The following MOXD1 variants were observed in gnomAD, a reference collection of about 807,000 sequenced individuals.
The protein encoded by MOXD1 is DBH-like monooxygenase protein 1.
A neutral mutation model predicts 66.6 loss-of-function variants in MOXD1; 62 were observed. The ratio of observed to expected loss-of-function variants is 0.93; its 90% CI spans 0.76 to 1.15. MOXD1 has a LOEUF of 1.15. Ranked by LOEUF, MOXD1 falls within the 50% of genes most tolerant of loss-of-function variation. MOXD1 has a pLI of 0.00. For missense variants in MOXD1, 847 were observed against 754.6 expected (o/e 1.12, Z -1.44); for synonymous variants, 303 against 281.9 (o/e 1.07, Z -0.75).
intron 4 of MOXD1, among the ~76,000 whole-genome samples, chr6:132,334,814 C>A (rs1775402867): frequency 6.6e-6 from 1 of 152,120 alleles, no homozygotes. Context: ...TCTTAAATAT[C>A]AGGAACCCAT....
At chr6:132,343,026 T>TA (rs1432967791) in intron 4 of MOXD1, among the ~76,000 whole-genome samples, 3 of 152,118 alleles carry the variant, frequency 2.0e-5, no homozygotes, top group Non-Finnish European at 2.9e-5. Context: ...AACTATGCAC[T>TA]AAAAAAATGC....
At chr6:132,392,417 T>G in intron 1 of MOXD1, 2 of 1,385,116 alleles carry the variant, frequency 1.4e-6, no homozygotes, top group Admixed American at 2.5e-5. Context: ...CGTTGCTCTC[T>G]TCTCTAATTC....
At chr6:132,399,743 T>C (rs1776977741) in intron 1 of MOXD1, among the ~76,000 whole-genome samples, 1 of 152,232 alleles carries the variant, frequency 6.6e-6, no homozygotes, top group Non-Finnish European at 1.5e-5. Flanking sequence ...TTAAGGGGCA[T>C]ACTATACTCC....
intron 4 of MOXD1, among the ~76,000 whole-genome samples, chr6:132,344,489 C>T (rs921975416): frequency 4.1e-4 from 62 of 152,120 alleles, no homozygotes; most frequent in African/African-American, 1.5e-3. Flanking sequence ...CCTGGTGAAA[C>T]CTGACCTTCA....
chr6:132,387,683 A>G (rs1327953948), intron 1 of MOXD1, among the ~76,000 whole-genome samples: 1 of 148,056 alleles, frequency 6.8e-6, no homozygotes. Context: ...TAACCTGGGG[A>G]ACGGAGGTTG....
chr6:132,339,173 T>TCTAATTTTTATGTATA (rs1186262179), intron 4 of MOXD1, among the ~76,000 whole-genome samples: 1 of 152,226 alleles, frequency 6.6e-6, no homozygotes, highest in Non-Finnish European at 1.5e-5. Flanking sequence ...GTATAAGACT[T>TCTAATTTTTATGTATA]AGCTATATTT....
intron 4 of MOXD1, among the ~76,000 whole-genome samples, chr6:132,331,366 G>A (rs943371144): frequency 9.8e-5 from 15 of 152,304 alleles, no homozygotes; most frequent in Middle Eastern, 3.4e-3. Flanking sequence ...TTACTGTCAC[G>A]ACAGTTTCAG....
At chr6:132,392,088 G>A (rs911218543) in intron 1 of MOXD1, 1 of 1,247,478 alleles carries the variant, frequency 8.0e-7, no homozygotes, top group East Asian at 2.6e-5. Flanking sequence ...CTCCCTTACA[G>A]CCTTTCAATT....
chr6:132,347,099 A>T (rs1305348873), intron 4 of MOXD1, among the ~76,000 whole-genome samples: 1 of 152,226 alleles, frequency 6.6e-6, no homozygotes, highest in East Asian at 1.9e-4. Flanking sequence ...ATCACATTTA[A>T]TCTTTATACG....
intron 4 of MOXD1, among the ~76,000 whole-genome samples, chr6:132,355,849 T>C (rs563652182): frequency 3.3e-5 from 5 of 152,254 alleles, no homozygotes; most frequent in Non-Finnish European, 7.4e-5. Flanking sequence ...TTCACAGAAA[T>C]AGCTAACCAA....
chr6:132,320,512 C>T, intron 9 of MOXD1, 117 bp downstream of exon 9: 1 of 859,464 alleles, frequency 1.2e-6, no homozygotes, highest in Non-Finnish European at 1.8e-6. Flanking sequence ...ACTTGATACT[C>T]AAGATTTTTA....
At chr6:132,352,574 G>C (rs186479142) in intron 4 of MOXD1, among the ~76,000 whole-genome samples, 1 of 152,174 alleles carries the variant, frequency 6.6e-6, no homozygotes, top group African/African-American at 2.4e-5. Flanking sequence ...CTTGGAGAAG[G>C]TTCCATGCAC....
intron 1 of MOXD1, among the ~76,000 whole-genome samples, chr6:132,393,942 A>G (rs1224521460): frequency 1.3e-5 from 2 of 152,164 alleles, no homozygotes; most frequent in Non-Finnish European, 2.9e-5. Context: ...AGCACTGACC[A>G]CTTGGGTTCC....
chr6:132,330,532 G>A (rs564324569), intron 4 of MOXD1, among the ~76,000 whole-genome samples: 19 of 152,168 alleles, frequency 1.2e-4, no homozygotes, highest in African/African-American at 2.2e-4. Context: ...GCTGGAGACC[G>A]CTGAGTTACA....
At chr6:132,322,225 T>C (rs1775091079) in intron 8 of MOXD1, among the ~76,000 whole-genome samples, 1 of 152,258 alleles carries the variant, frequency 6.6e-6, no homozygotes, top group Non-Finnish European at 1.5e-5. Flanking sequence ...TAATTAGCTA[T>C]ATTCACATAG....
At chr6:132,303,189 C>CAATA (rs1039138895) in intron 10 of MOXD1, among the ~76,000 whole-genome samples, 28 of 152,134 alleles carry the variant, frequency 1.8e-4, no homozygotes, top group African/African-American at 6.3e-4. Flanking sequence ...AAACAAACTT[C>CAATA]AATAAATACA....
At chr6:132,368,454 T>C (rs1270072627) in intron 4 of MOXD1, among the ~76,000 whole-genome samples, 1 of 152,050 alleles carries the variant, frequency 6.6e-6, no homozygotes, top group African/African-American at 2.4e-5. Context: ...CATCTGATAA[T>C]ACCCACATTT....
At position 132,328,538 on chromosome 6, in the gene MOXD1, A is replaced by G; in HGVS notation, c.720T>C (p.Tyr240=). 6.2e-7 allele frequency: 1 copy of G among 1,614,104 alleles called. No individual in the cohort carries two copies. The highest frequency in any genetic ancestry group is 8.5e-7 in the Non-Finnish European group (1 of 1,179,988). ...HESLVHHILL[Y]QCSNNFNDSV... is the part of the protein sequence containing the mutation. ...TGTCGTTAAAGTTGTTGCTGCACTG[A>G]TAGAGCAGGATGTGGTGCACCAGAC... The change falls in exon 5 of 12, where the codon TAT becomes TAC. Residue 240 remains tyrosine, a synonymous_variant. Transcript: ENST00000367963.
chr6:132,343,544 C>T (rs1775606561), intron 4 of MOXD1, among the ~76,000 whole-genome samples: 1 of 151,864 alleles, frequency 6.6e-6, no homozygotes, highest in African/African-American at 2.4e-5. Context: ...CACTGCACTC[C>T]AGCCTGGTCA....
Sources: gnomAD v4.1 joint callset for allele counts (sites outside exome capture counted in the v4.1 genomes callset) on GRCh38, gnomAD v4.1.1 for gene constraint, MANE v1.5 for transcripts, NCBI Gene and HGNC (gene_info 2026-07-23, HGNC 2026-07-21) for gene names.